LPA: variants seen among roughly 807,000 people sequenced by gnomAD.
LPA encodes the protein apolipoprotein(a).
A neutral mutation model predicts 197.9 loss-of-function variants in LPA; 199 were observed. The ratio of observed to expected loss-of-function variants is 1.01; its 90% CI spans 0.90 to 1.13. LPA has a LOEUF of 1.13. LPA is among the 50% of genes most tolerant of loss of function. LPA has a pLI of 0.00. For synonymous variants in LPA, 715 were observed against 639.5 expected (o/e 1.12, Z -1.78); for missense variants, 1,853 against 1,785.8 (o/e 1.04, Z -0.68).
intron 18 of LPA, among the ~76,000 whole-genome samples, chr6:160,602,854 G>A (rs1421854257): frequency 6.6e-6 from 1 of 152,078 alleles, no homozygotes; most frequent in African/African-American, 2.4e-5. Context: ...TGTTTCTGAT[G>A]AGAATGCATT....
rs774445853 is a variant in LPA at position 160,599,495 on chromosome 6, C to T, written c.3287+5G>A. 12 of 1,613,250 alleles carry T rather than the reference C, an allele frequency of 7.4e-6. No homozygotes were observed. Among genetic ancestry groups the T allele is most frequent in the African/African-American group, 4.0e-5 (3 of 74,888 alleles). On this transcript the variant is annotated splice_donor_5th_base_variant and intron_variant, in intron 20 of 38. Transcript: ENST00000316300. ...CTTCGCTTATGGTAAAGAACAAAGA[C>T]GTACGCATTTGGGTAGTTTTCTGGG...
intron 1 of LPA, among the ~76,000 whole-genome samples, chr6:160,653,981 AATATATAATATATATT>A (rs1780060306): frequency 2.9e-4 from 4 of 13,990 alleles, no homozygotes; most frequent in South Asian, 4.4e-3. Context: ...TATAATATAT[AATATATAATATATATT>A]ATATATAATA....
At chr6:160,572,308 C>T (rs752714069) in intron 28 of LPA, among the ~76,000 whole-genome samples, 3 of 145,498 alleles carry the variant, frequency 2.1e-5, no homozygotes, top group Admixed American at 6.7e-5. Flanking sequence ...CAGACTGGAG[C>T]TGTTCCTATT....
intron 7 of LPA, among the ~76,000 whole-genome samples, chr6:160,634,476 T>C: frequency 7.5e-6 from 1 of 132,558 alleles, no homozygotes; most frequent in East Asian, 2.0e-4. Flanking sequence ...GAGGGAATCT[T>C]CTCATGCCCT....
At chr6:160,550,812 C>A (rs943109830) in intron 30 of LPA, among the ~76,000 whole-genome samples, 2 of 152,184 alleles carry the variant, frequency 1.3e-5, no homozygotes, top group African/African-American at 4.8e-5. Context: ...TATCTGGCAT[C>A]TTTCTTTAAT....
Position 160,570,034 on chromosome 6 carries a change from G to C in LPA, c.4631+7102C>G, listed in dbSNP as rs183350047. ...AAATAGGAACATTTTTACACTGGTG[G>C]TGGGACTGTAAACTAGTTCAACCAT... On this transcript the variant is annotated intron_variant, in intron 28 of 38. Coordinates refer to ENST00000316300, the MANE Select transcript of LPA (RefSeq NM_005577.4). 3.9e-3 allele frequency among the ~76,000 whole-genome samples: 591 copies of C among 152,332 alleles called. 5 individuals are homozygous for C. The highest frequency in any genetic ancestry group is 0.014 in the African/African-American group (566 of 41,574).
chr6:160,553,954 T>TGTGTGCGCGCGC (rs771903485), intron 30 of LPA, among the ~76,000 whole-genome samples: 2 of 130,748 alleles, frequency 1.5e-5, no homozygotes, highest in African/African-American at 6.1e-5. Flanking sequence ...TGTGTGTGTG[T>TGTGTGCGCGCGC]GCGCGCGCGC....
intron 1 of LPA, among the ~76,000 whole-genome samples, chr6:160,656,884 A>T (rs959524917): frequency 6.6e-6 from 1 of 152,192 alleles, no homozygotes; most frequent in Admixed American, 6.5e-5. Flanking sequence ...TCAAGTAGGA[A>T]TACAGTAGGT....
In LPA at chr6:160,601,016, C is replaced by T; in HGVS notation, c.3028G>A (p.Glu1010Lys). The T allele has an allele frequency of 6.2e-7, 1 of 1,613,854 alleles. No homozygotes were observed. The highest frequency in any genetic ancestry group is 8.5e-7 in the Non-Finnish European group (1 of 1,179,762). ...CYTTDPSVRW[E>K]YCNLTRCSDA... The stretch of plus-strand genomic sequence containing the variant: ...GAGCATCGTGTCAGGTTGCAGTACT[C>T]CCACCTGACACTGGGATCTGTTGTA... Residue 1010 changes from glutamate to lysine, a missense_variant, in exon 19 of 39, where the codon GAG becomes AAG. Glu to Lys is a moderately conservative substitution (Grantham distance 56). Around this residue, in one of 3 missense-constraint regions of LPA, gnomAD observed 1,737 missense variants for 1,504.4 expected, o/e 1.15. Transcript: ENST00000316300.
chr6:160,548,794 G>T (rs1778122623), intron 30 of LPA, 135 bp from the exon 31 acceptor site: 1 of 861,864 alleles, frequency 1.2e-6, no homozygotes. Context: ...TCATACAATT[G>T]CCACAACACA....
intron 28 of LPA, among the ~76,000 whole-genome samples, chr6:160,560,196 G>T (rs961046675): frequency 6.6e-6 from 1 of 152,122 alleles, no homozygotes; most frequent in African/African-American, 2.4e-5. Context: ...TCATTGATGG[G>T]CATTTCAGTT....
At chr6:160,566,560 A>T (rs1386958795) in intron 28 of LPA, among the ~76,000 whole-genome samples, 1 of 152,226 alleles carries the variant, frequency 6.6e-6, no homozygotes, top group African/African-American at 2.4e-5. Context: ...AAAACCATCG[A>T]TGCTAGGAAG....
chr6:160,649,497 C>T (rs7756317), intron 2 of LPA, among the ~76,000 whole-genome samples: 7,282 of 152,206 alleles, frequency 0.048, 567 homozygotes, highest in African/African-American at 0.16. Flanking sequence ...ATCCCAAACT[C>T]CAATGTCCCT....
At chr6:160,626,447 AGTTTGTGTGT>A (rs1779651808) in intron 10 of LPA, among the ~76,000 whole-genome samples, 1 of 98,484 alleles carries the variant, frequency 1.0e-5, no homozygotes, top group Non-Finnish European at 2.0e-5. Context: ...GTGTGTTTTC[AGTTTGTGTGT>A]GTGTGTGTGT....
chr6:160,543,965 C>T (rs1398049149), intron 33 of LPA, among the ~76,000 whole-genome samples: 1 of 152,194 alleles, frequency 6.6e-6, no homozygotes, highest in Non-Finnish European at 1.5e-5. Flanking sequence ...GTTAACCTCA[C>T]TTGTCTTACA....
At chr6:160,609,603 G>T (rs185277307) in intron 16 of LPA, among the ~76,000 whole-genome samples, 1 of 151,928 alleles carries the variant, frequency 6.6e-6, no homozygotes, top group Non-Finnish European at 1.5e-5. Flanking sequence ...TAATTGAAAA[G>T]TTATCAGCCA....
At chr6:160,604,731 G>A (rs922881681) in intron 18 of LPA, among the ~76,000 whole-genome samples, 1 of 152,130 alleles carries the variant, frequency 6.6e-6, no homozygotes, top group African/African-American at 2.4e-5. Flanking sequence ...AGGAGAAAAG[G>A]CTGCATTGAA....
At chr6:160,578,480 T>G in intron 27 of LPA, 43 bp downstream of exon 27, 1 of 1,611,248 alleles carries the variant, frequency 6.2e-7, no homozygotes, top group Non-Finnish European at 8.5e-7. Context: ...TTTTCCATGG[T>G]TTTTCATCCC....
chr6:160,536,805 T>C (rs1272065739), intron 37 of LPA, among the ~76,000 whole-genome samples: 3 of 152,154 alleles, frequency 2.0e-5, no homozygotes, highest in Non-Finnish European at 4.4e-5. Context: ...GGTGAGGTTT[T>C]AAAAATAATA....
Sources: allele counts gnomAD v4.1 joint callset (sites outside exome capture counted in the v4.1 genomes callset), GRCh38; gene constraint gnomAD v4.1.1; regional missense constraint gnomAD v4.1.1; transcripts MANE v1.5; gene names NCBI Gene and HGNC (gene_info 2026-07-23, HGNC 2026-07-21).